Variants in KRT7 observed in about 807,000 individuals in gnomAD.
KRT7 encodes the protein keratin, type II cytoskeletal 7.
In KRT7, 50 loss-of-function variants were observed where a neutral mutation model predicts 42.8. That is an observed-to-expected ratio of 1.17 (90% CI 0.93 to 1.48). The LOEUF (loss-of-function observed/expected upper bound fraction) is 1.48. KRT7 is among the 40% of genes most tolerant of loss of function. KRT7 has a pLI of 0.00. For synonymous variants in KRT7, 268 were observed against 266.3 expected (o/e 1.01, Z -0.06); for missense variants, 588 against 637.6 (o/e 0.92, Z 0.84).
downstream of KRT7, chr12:52,253,434 G>T (rs1185528875): frequency 1.9e-5 from 29 of 1,559,694 alleles, no homozygotes; most frequent in Non-Finnish European, 2.4e-5. Context: ...TGCTCAGCCT[G>T]TGCAACCACA....
Position 52,235,171 on chromosome 12 carries a change from A to G in KRT7, c.341A>G (p.Gln114Arg). The G allele has an allele frequency of 5.6e-6, 9 of 1,614,082 alleles. No homozygotes were observed. Among genetic ancestry groups the G allele is most frequent in the Non-Finnish European group, 7.6e-6 (9 of 1,179,958 alleles). ...CCGTTCTAGGTGCGGTTTCTGGAGC[A>G]GCAGAACAAGCTGCTGGAGACCAAG... ...SFIDKVRFLE[Q>R]QNKLLETKWT... Residue 114 changes from glutamine to arginine, a missense_variant, in exon 2 of 9, where the codon CAG (glutamine) becomes CGG (arginine). Transcript: ENST00000331817.
At chr12:52,249,285 G>T, downstream of KRT7, 1 of 152,280 alleles carries the variant, frequency 6.6e-6, no homozygotes, top group Non-Finnish European at 1.5e-5. Context: ...CAGACGTTCA[G>T]CTGCCCCAGC....
chr12:52,235,395 C>A, intron 2 of KRT7, 29 bp downstream of exon 2: 2 of 1,567,634 alleles, frequency 1.3e-6, no homozygotes, highest in Non-Finnish European at 8.7e-7. Flanking sequence ...CATGCGAAGA[C>A]CCCTGCCCCG....
downstream of KRT7, chr12:52,253,868 G>T (rs942339999): frequency 2.3e-6 from 1 of 435,650 alleles, no homozygotes; most frequent in African/African-American, 2.0e-5. Flanking sequence ...CTTCTTCGAT[G>T]TCTGAAGCCC....
chr12:52,250,473 A>G (rs968459235), downstream of KRT7: 2 of 611,520 alleles, frequency 3.3e-6, no homozygotes, highest in African/African-American at 3.8e-5. Context: ...CGCTCAGGCG[A>G]AGCGCACGGA....
Position 52,243,061 on chromosome 12 carries a change from A to G in KRT7, c.908A>G (p.Asn303Ser). 1 of 1,613,946 alleles carries G rather than the reference A, an allele frequency of 6.2e-7. No homozygotes were observed. The highest frequency in any genetic ancestry group is 8.5e-7 in the Non-Finnish European group (1 of 1,179,884). Reference protein sequence around the residue: ...QAGKHGDDLRNTRNEISEMNR... With the variant: ...QAGKHGDDLRSTRNEISEMNR... ...GGGAAGCATGGGGACGACCTCCGGA[A>G]TACCCGGAATGAGATTTCAGAGATG... is the stretch of plus-strand genomic sequence containing the variant. Residue 303 changes from asparagine to serine, a missense_variant, in exon 6 of 9, where the codon AAT becomes AGT. Asn to Ser is a conservative substitution (Grantham distance 46). Transcript: ENST00000331817.
intron 4 of KRT7, 42 bp downstream of exon 4, chr12:52,238,817 T>C (rs760742135): frequency 7.7e-7 from 1 of 1,294,506 alleles, no homozygotes; most frequent in East Asian, 2.3e-5. Flanking sequence ...ATCCTACCCA[T>C]TCTAACCAGG....
At chr12:52,247,133 G>A (rs752743920) in intron 7 of KRT7, 5 of 152,064 alleles carry the variant, frequency 3.3e-5, no homozygotes, top group Non-Finnish European at 5.9e-5. Flanking sequence ...CAAACTGGGA[G>A]GCCTACTTTA....
At chr12:52,248,089 G>A in intron 7 of KRT7, 88 bp from the exon 8 acceptor site, 1 of 1,259,514 alleles carries the variant, frequency 7.9e-7, no homozygotes, top group Non-Finnish European at 1.2e-6. Flanking sequence ...CAATGATCCT[G>A]CTTGGGGCCT....
chr12:52,251,571 T>C (rs1362420908), downstream of KRT7, among the ~76,000 whole-genome samples: 2 of 152,186 alleles, frequency 1.3e-5, no homozygotes, highest in Non-Finnish European at 2.9e-5. Flanking sequence ...TACTGAAGAC[T>C]AAAGGCAACT....
At chr12:52,248,559 G>A (rs367918177) in intron 8 of KRT7, 32 bp from the exon 9 acceptor site, 10 of 1,538,138 alleles carry the variant, frequency 6.5e-6, no homozygotes, top group Admixed American at 2.0e-5. Flanking sequence ...GGAGCCTCAC[G>A]CTGAAGAGAG....
chr12:52,234,107 G>C (rs7488707), intron 1 of KRT7, among the ~76,000 whole-genome samples: 1 of 134,274 alleles, frequency 7.4e-6, no homozygotes, highest in Non-Finnish European at 1.6e-5. Context: ...AGATTAGAGC[G>C]GCAGTCGGTG....
chr12:52,248,511 G>A (rs1312956020), intron 8 of KRT7, 80 bp from the exon 9 acceptor site: 2 of 1,384,462 alleles, frequency 1.4e-6, no homozygotes, highest in Non-Finnish European at 2.0e-6. Context: ...GCTGGGGCAG[G>A]AGGGTGGGGT....
chr12:52,239,477 G>A (rs1431375506), intron 4 of KRT7, among the ~76,000 whole-genome samples: 1 of 152,184 alleles, frequency 6.6e-6, no homozygotes, highest in Non-Finnish European at 1.5e-5. Context: ...CAGGGGTTGC[G>A]AGGATTTATC....
At position 52,241,512 on chromosome 12, in the gene KRT7, T is replaced by C. The variant is rs149881658; in HGVS notation, c.734T>C (p.Val245Ala). 105 of 1,613,866 alleles carry C rather than the reference T, an allele frequency of 6.5e-5. No individual in the cohort carries two copies. The African/African-American group carries it at 1.3e-3, about 20-fold the overall frequency. Reference protein sequence around the residue: ...ELQSQISDTSVVLSMDNSRSL... With the variant: ...ELQSQISDTSAVLSMDNSRSL... ...CAGTCCCAGATCTCCGACACATCTG[T>C]GGTGCTGTCCATGGACAACAGTCGC... The change falls in exon 5 of 9, where the codon GTG (valine) becomes GCG (alanine). Residue 245 changes from valine (V) to alanine (A), a missense_variant. Coordinates refer to ENST00000331817, the MANE Select transcript of KRT7 (RefSeq NM_005556.4).
At chr12:52,254,321 T>C (rs542646001), downstream of KRT7, 4 of 978,772 alleles carry the variant, frequency 4.1e-6, no homozygotes, top group South Asian at 3.8e-5. Context: ...GGCCTCCACG[T>C]TGGCCTCTAG....
rs1942114111 is a variant in KRT7, at chr12:52,242,852, CA to C, written c.859-159del. On this transcript the variant is annotated intron_variant, in intron 5 of 8. Transcript: ENST00000331817. ...TGGAGGAGAATGAATCCCTTCCTCA[CA>C]CTGCTGTCTGGTCTCCTGGCATCGG... Among the ~76,000 whole-genome samples, 3 of 152,256 alleles carry C rather than the reference CA, an allele frequency of 2.0e-5. No homozygotes were observed. The South Asian group carries it at 6.2e-4, about 32-fold the overall frequency.
At position 52,245,427 on chromosome 12, in the gene KRT7, G is replaced by A; in HGVS notation, c.1000G>A (p.Ala334Thr). Residue 334 changes from alanine to threonine, a missense_variant, in exon 7 of 9, where the codon GCC (alanine) becomes ACC (threonine). Physicochemically the swap from Ala to Thr is moderately conservative, Grantham distance 58. Transcript: ENST00000331817. ...CTGCCCACAGCGTGCCAAGTTGGAG[G>A]CCGCCATTGCCGAGGCTGAGGAGCG... ...NIKNQRAKLEAAIAEAEERGE... is the reference protein window; with the variant it reads ...NIKNQRAKLETAIAEAEERGE... 1 of 1,613,818 alleles carries A rather than the reference G, an allele frequency of 6.2e-7. No individual in the cohort carries two copies.
chr12:52,248,896 C>T lies in KRT7; in HGVS notation c.*136C>T, dbSNP rs1942222461. 2 of 870,714 alleles carry T rather than the reference C, an allele frequency of 2.3e-6. No homozygotes were observed. Among genetic ancestry groups the T allele is most frequent in the South Asian group, 5.3e-5 (2 of 37,890 alleles). 53.9% of individuals were successfully genotyped at this position (870,714 alleles called of 1,614,324 possible). A position where few individuals can be genotyped will look rare whatever the true frequency, so the allele number is the denominator to read the frequency against. ...GTCAGAATAGCTTCCAATAAAGCAG[C>T]CTCATTCTGAGGCCTGAGTGATCCA... On this transcript the variant is annotated 3_prime_UTR_variant, in exon 9 of 9. Transcript: ENST00000331817.
Sources: gnomAD v4.1 joint callset for allele counts (sites outside exome capture counted in the v4.1 genomes callset) on GRCh38, gnomAD v4.1.1 for gene constraint, MANE v1.5 for transcripts, NCBI Gene and HGNC (gene_info 2026-07-23, HGNC 2026-07-21) for gene names.